The following MSTO1 variants were observed in gnomAD, a reference collection of about 807,000 sequenced individuals.
The protein encoded by MSTO1 is misato mitochondrial distribution and morphology regulator 1, also known as protein misato homolog 1.
A neutral mutation model predicts 55.7 loss-of-function variants in MSTO1; 24 were observed. The observed-to-expected ratio is 0.43, with a 90% CI of 0.31 to 0.61. The LOEUF (loss-of-function observed/expected upper bound fraction) is 0.61, where lower values mean the gene tolerates loss of function less well. Ranked by LOEUF, MSTO1 falls within the 20% of genes least tolerant of loss-of-function variation. The probability of loss-of-function intolerance (pLI) is 0.09; values close to 1 mark genes in which losing one functional copy is unlikely to be tolerated. For synonymous variants in MSTO1, 162 were observed against 252.8 expected (o/e 0.64, Z 3.41); for missense variants, 363 against 625.7 (o/e 0.58, Z 4.48).
At chr1:155,609,243 AT>A (rs1185140621), upstream of MSTO1, among the ~76,000 whole-genome samples, 156 of 54,548 alleles carry the variant, frequency 2.9e-3, no homozygotes, top group South Asian at 0.014. Flanking sequence ...ATATATATAT[AT>A]TTTTTTTTTT....
chr1:155,582,127 C>T, the MSTO1 span, among the ~76,000 whole-genome samples: 1 of 151,146 alleles, frequency 6.6e-6, no homozygotes, highest in Non-Finnish European at 1.5e-5. Flanking sequence ...CTCCTGATCT[C>T]ATGATCGCCC....
At position 155,613,731 on chromosome 1, in the gene MSTO1, C is replaced by G. The variant is rs371544149; in HGVS notation, c.1463C>G (p.Pro488Arg). Residue 488 changes from proline to arginine, a missense_variant, in exon 13 of 14, where the codon CCG becomes CGG. Transcript: ENST00000245564. Reference protein sequence around the residue: ...YPHLFSSCSPPGMVLDGSPKG... With the variant: ...YPHLFSSCSPRGMVLDGSPKG... ...CACCTCTTCTCAAGCTGCAGTCCAC[C>G]GGGTATGGTTCTGGATGGTTCCCCC... is the stretch of plus-strand genomic sequence containing the variant. 5.6e-6 allele frequency: 9 copies of G among 1,608,380 alleles called. No individual in the cohort carries two copies. Among genetic ancestry groups the G allele is most frequent in the Non-Finnish European group, 6.8e-6 (8 of 1,176,544 alleles).
chr1:155,591,989 C>T, the MSTO1 span, among the ~76,000 whole-genome samples: 6 of 152,098 alleles, frequency 3.9e-5, no homozygotes, highest in African/African-American at 1.4e-4. Context: ...GTAGAAATAG[C>T]ACCACCTTGT....
At chr1:155,584,262 A>C in the MSTO1 span, among the ~76,000 whole-genome samples, 1 of 152,000 alleles carries the variant, frequency 6.6e-6, no homozygotes, top group African/African-American at 2.4e-5. Flanking sequence ...GGGAGGCTGA[A>C]GTGGGAGGAT....
chr1:155,599,649 C>T, the MSTO1 span, among the ~76,000 whole-genome samples: 6 of 152,164 alleles, frequency 3.9e-5, no homozygotes, highest in African/African-American at 1.4e-4. Context: ...ATAAGGGGAC[C>T]AGGGGAACCA....
chr1:155,599,895 T>G, the MSTO1 span, among the ~76,000 whole-genome samples: 1 of 152,380 alleles, frequency 6.6e-6, no homozygotes, highest in South Asian at 2.1e-4. Flanking sequence ...AAAGCAGTAT[T>G]GCTGCCCGCA....
chr1:155,613,366 A>C (rs2148995608), intron 11 of MSTO1, 96 bp from the exon 12 acceptor site: 7 of 1,579,920 alleles, frequency 4.4e-6, no homozygotes, highest in Non-Finnish European at 6.0e-6. Context: ...AAGGGCTTTG[A>C]ATATCTTGAT....
At chr1:155,592,292 G>A in the MSTO1 span, among the ~76,000 whole-genome samples, 4 of 152,200 alleles carry the variant, frequency 2.6e-5, no homozygotes. Flanking sequence ...ATCGCAACAT[G>A]TAGCTTTTAA....
upstream of MSTO1, among the ~76,000 whole-genome samples, chr1:155,608,662 C>T (rs191823256): frequency 6.6e-6 from 1 of 151,990 alleles, no homozygotes; most frequent in African/African-American, 2.4e-5. Flanking sequence ...GTCACCACGC[C>T]CGGCTAATTG....
upstream of MSTO1, chr1:155,609,943 G>T (rs1217670483): frequency 2.3e-5 from 10 of 430,382 alleles, no homozygotes; most frequent in African/African-American, 4.2e-5. Context: ...AGCCTTCCAC[G>T]GCCCGCGCCC....
At chr1:155,585,522 CAAAAAAA>C in the MSTO1 span, among the ~76,000 whole-genome samples, 2 of 56,912 alleles carry the variant, frequency 3.5e-5, no homozygotes, top group African/African-American at 5.9e-5. Context: ...GACTCCGTCT[CAAAAAAA>C]AAAAAAAAAA....
At chr1:155,602,195 CTG>C in the MSTO1 span, 1 of 674,460 alleles carries the variant, frequency 1.5e-6, no homozygotes, top group Non-Finnish European at 2.8e-6. Flanking sequence ...TGAGCACTTC[CTG>C]GCCGGGCTTT....
chr1:155,568,390 T>C, the MSTO1 span, among the ~76,000 whole-genome samples: 1 of 151,578 alleles, frequency 6.6e-6, no homozygotes, highest in East Asian at 1.9e-4. Context: ...AAAAAATTTT[T>C]ATTTAAGACG....
At chr1:155,595,751 A>G in the MSTO1 span, among the ~76,000 whole-genome samples, 2 of 152,186 alleles carry the variant, frequency 1.3e-5, no homozygotes, top group Non-Finnish European at 2.9e-5. Flanking sequence ...TACTGGGATT[A>G]CAGGCATGGA....
the MSTO1 span, among the ~76,000 whole-genome samples, chr1:155,567,117 C>T: frequency 6.6e-6 from 1 of 151,504 alleles, no homozygotes; most frequent in African/African-American, 2.4e-5. Context: ...GCTATGTAAT[C>T]ATAAGAGTTG....
At chr1:155,581,885 C>T in the MSTO1 span, among the ~76,000 whole-genome samples, 1 of 151,758 alleles carries the variant, frequency 6.6e-6, no homozygotes, top group Admixed American at 6.6e-5. Flanking sequence ...CCTCCGCATC[C>T]CCGGTGCAAG....
chr1:155,608,896 C>T (rs771054721), upstream of MSTO1, among the ~76,000 whole-genome samples: 18 of 151,240 alleles, frequency 1.2e-4, no homozygotes, highest in Non-Finnish European at 1.8e-4. Context: ...GTGATATCGG[C>T]TCACTGCAAC....
the MSTO1 span, among the ~76,000 whole-genome samples, chr1:155,600,369 T>G: frequency 6.6e-6 from 1 of 152,148 alleles, no homozygotes; most frequent in Non-Finnish European, 1.5e-5. Flanking sequence ...GAGCACAGGG[T>G]TGGGGGTAAG....
At chr1:155,595,632 C>A in the MSTO1 span, among the ~76,000 whole-genome samples, 2 of 151,726 alleles carry the variant, frequency 1.3e-5, no homozygotes, top group African/African-American at 2.4e-5. Flanking sequence ...GGATTACAGG[C>A]ACACACCACC....
Sources: gnomAD v4.1 joint callset for allele counts (sites outside exome capture counted in the v4.1 genomes callset) on GRCh38, gnomAD v4.1.1 for gene constraint, MANE v1.5 for transcripts, NCBI Gene and HGNC (gene_info 2026-07-23, HGNC 2026-07-21) for gene names.